The following DNAH17 variants were observed in gnomAD, a reference collection of about 807,000 sequenced individuals.
DNAH17 encodes dynein axonemal heavy chain 17, also known as axonemal beta dynein heavy chain 17.
In DNAH17, 376 loss-of-function variants were observed where a neutral mutation model predicts 485.6. That is an observed-to-expected ratio of 0.77 (90% CI 0.71 to 0.84). DNAH17 has a LOEUF of 0.84. Ranked by LOEUF, DNAH17 falls within the 40% of genes least tolerant of loss-of-function variation. The pLI is 0.00. For missense variants in DNAH17, 6,370 were observed against 5,839.3 expected, an observed-to-expected ratio of 1.09 and a Z score of -2.96; for synonymous variants, 3,031 against 2,405.9, an observed-to-expected ratio of 1.26 and a Z score of -7.60.
In DNAH17 at chr17:78,424,139, T is replaced by G. The variant is rs1314844031; in HGVS notation, c.13156A>C (p.Thr4386Pro). ...GCTTCAGCGATGACTCCAGTCTGGGTGTCCCAGCGAGCCCCTGCAGGGACA... is the reference window on the plus strand; with the variant it reads ...GCTTCAGCGATGACTCCAGTCTGGGGGTCCCAGCGAGCCCCTGCAGGGACA... ...GLFMEGARWD[T>P]QTGVIAEARL... Residue 4386 changes from threonine to proline, a missense_variant, in exon 81 of 81, where the codon ACC (threonine) becomes CCC (proline). Transcript: ENST00000389840. The G allele has an allele frequency of 3.1e-6, 5 of 1,611,706 alleles. No homozygotes were observed. Among genetic ancestry groups the G allele is most frequent in the Non-Finnish European group, 4.2e-6 (5 of 1,179,142 alleles).
At position 78,451,343 on chromosome 17, in the gene DNAH17, G is replaced by T. The variant is rs575919041; in HGVS notation, c.10734+126C>A. 1.6e-3 allele frequency: 1,275 copies of T among 817,304 alleles called. 1 individual carries two copies. Among genetic ancestry groups the T allele is most frequent in the Middle Eastern group, 3.8e-3 (10 of 2,662 alleles). The allele number at this position is 817,304 out of a possible 1,614,324, so 50.6% of individuals were successfully genotyped here. A position where few individuals can be genotyped will look rare whatever the true frequency, so the allele number is the denominator to read the frequency against. On this transcript the variant is annotated intron_variant, in intron 66 of 80. Coordinates refer to ENST00000389840, the MANE Select transcript of DNAH17 (RefSeq NM_173628.4). ...CTGTGATGCCGTGGGACACACTGAG[G>T]CACCTTCAGAGAGAAGCAACGACAC...
chr17:78,428,985 C>T (rs1024051279), intron 76 of DNAH17, 136 bp downstream of exon 76: 23 of 862,864 alleles, frequency 2.7e-5, no homozygotes, highest in African/African-American at 1.5e-4. Flanking sequence ...CCAAGTGAGA[C>T]GCATTTCTCA....
In DNAH17 at chr17:78,498,991, C is replaced by T. The variant is rs1288900794; in HGVS notation, c.5745+17G>A. 2.5e-6 allele frequency: 4 copies of T among 1,588,546 alleles called. No homozygotes were observed. The highest frequency in any genetic ancestry group is 3.4e-6 in the Non-Finnish European group (4 of 1,167,580). On this transcript the variant is annotated intron_variant, in intron 37 of 80. Transcript: ENST00000389840. ...GTCACCCGACGTGACCCCGAGGCCG[C>T]AGGCAGGGGACTTTACCTGCACGGC...
intron 65 of DNAH17, among the ~76,000 whole-genome samples, chr17:78,452,899 G>A (rs2087615519): frequency 6.6e-6 from 1 of 152,158 alleles, no homozygotes; most frequent in Admixed American, 6.6e-5. Flanking sequence ...AAGAAGAGTG[G>A]GTACAGGGCT....
At chr17:78,483,287 C>T (rs74001369) in intron 48 of DNAH17, among the ~76,000 whole-genome samples, 2,602 of 152,234 alleles carry the variant, frequency 0.017, 69 homozygotes, top group African/African-American at 0.058. Flanking sequence ...CTGGGAGTGT[C>T]GTTTAGTGAG....
At position 78,551,530 on chromosome 17, in the gene DNAH17, C is replaced by A. The variant is rs202159849; in HGVS notation, c.2391+5G>T. 1 of 1,613,864 alleles carries A rather than the reference C, an allele frequency of 6.2e-7. No individual in the cohort carries two copies. Among genetic ancestry groups the A allele is most frequent in the Non-Finnish European group, 8.5e-7 (1 of 1,179,726 alleles). ...GCCCCACTCTGTGCTCTGCCCCTTG[C>A]TTACCTTCATAGCCTGGGAAATTCC... On this transcript the variant is annotated splice_donor_5th_base_variant and intron_variant, in intron 16 of 80. Coordinates refer to ENST00000389840, the MANE Select transcript of DNAH17 (RefSeq NM_173628.4).
At position 78,494,762 on chromosome 17, in the gene DNAH17, A is replaced by C; in HGVS notation, c.6101T>G (p.Leu2034Arg). The C allele has an allele frequency of 6.2e-7, 1 of 1,613,506 alleles. No homozygotes were observed. Among genetic ancestry groups the C allele is most frequent in the South Asian group, 1.1e-5 (1 of 91,070 alleles). The change falls in exon 40 of 81, where the codon CTG (leucine) becomes CGG (arginine). Residue 2034 changes from leucine to arginine, a missense_variant. Transcript: ENST00000389840. ...TGCCCGGCTGGGGTCGCCCCTCTTC[A>C]GGGAGCCGGCCACCACCAGCACAGA... The part of the protein sequence containing the change: ...IKSVLVVAGS[L>R]KRGDPSRAED...
chr17:78,503,792 C>A (rs1290598948), intron 31 of DNAH17, among the ~76,000 whole-genome samples: 3 of 151,894 alleles, frequency 2.0e-5, no homozygotes, highest in Admixed American at 1.3e-4. Context: ...ATGGTGAAAA[C>A]CCGTCTCTAC....
At chr17:78,540,097 T>A (rs540942421) in intron 17 of DNAH17, among the ~76,000 whole-genome samples, 2 of 152,148 alleles carry the variant, frequency 1.3e-5, no homozygotes, top group African/African-American at 2.4e-5. Flanking sequence ...ATCTTTTTGA[T>A]TTCAGCTCAA....
At chr17:78,570,069 G>T (rs1305198953) in intron 7 of DNAH17, among the ~76,000 whole-genome samples, 178 bp downstream of exon 7, 1 of 152,216 alleles carries the variant, frequency 6.6e-6, no homozygotes, top group East Asian at 1.9e-4. Context: ...TCCCCTAGAA[G>T]AACTCTAGGT....
intron 61 of DNAH17, 70 bp from the exon 62 acceptor site, chr17:78,458,750 G>A: frequency 2.9e-6 from 4 of 1,396,966 alleles, no homozygotes; most frequent in Non-Finnish European, 4.1e-6. Context: ...AGCGGCAGCA[G>A]GGCTGGGCCC....
In DNAH17 at chr17:78,510,633, G is replaced by C. The variant is rs2090609769; in HGVS notation, c.4114-127C>G. ...CCCGGGCTGCTGGAGGGAGGGAGGC[G>C]AGCTCTGCTCTGCCATTTTCAGCTC... On this transcript the variant is annotated intron_variant, in intron 26 of 80. Transcript: ENST00000389840. The C allele has an allele frequency of 2.3e-6, 3 of 1,295,922 alleles. No homozygotes were observed. The Admixed American group carries it at 5.8e-5, about 25-fold the overall frequency. The allele number at this position is 1,295,922 out of a possible 1,614,324, so 80.3% of individuals were successfully genotyped here.
chr17:78,569,741 G>T (rs562596153), intron 7 of DNAH17, among the ~76,000 whole-genome samples: 3 of 152,350 alleles, frequency 2.0e-5, no homozygotes, highest in African/African-American at 7.2e-5. Flanking sequence ...ATAAATGGGT[G>T]GGGGTCGCAG....
In DNAH17 at chr17:78,438,445, G is replaced by GGAGGAGGGAGGA. The variant is rs1473139795; in HGVS notation, c.11806-578_11806-577insTCCTCCCTCCTC. 2.2e-3 allele frequency among the ~76,000 whole-genome samples: 17 copies of GGAGGAGGGAGGA among 7,586 alleles called. 1 individual carries two copies. The highest frequency in any genetic ancestry group is 2.8e-3 in the African/African-American group (6 of 2,106). 5.0% of individuals were successfully genotyped at this position (7,586 alleles called of 152,430 possible). Reference sequence around the variant, plus strand: ...AGGAGAAGGAGGAGGAGGAGGAGGAGGGAGGAGGGAGGAGGAGGAGGAGAT... The same window carrying GGAGGAGGGAGGA: ...AGGAGAAGGAGGAGGAGGAGGAGGAGGAGGAGGGAGGAGGAGGAGGGAGGAGGAGGAGGAGAT... On this transcript the variant is annotated intron_variant, in intron 73 of 80. Transcript: ENST00000389840.
At chr17:78,493,037 G>C (rs958773535) in intron 41 of DNAH17, 1 of 279,024 alleles carries the variant, frequency 3.6e-6, no homozygotes, top group Admixed American at 4.9e-5. Flanking sequence ...TTTTAGTAGA[G>C]ACAGGGTTTC....
chr17:78,429,285 G>T lies in DNAH17; in HGVS notation c.12241C>A (p.Leu4081Ile). The change falls in exon 76 of 81, where the codon CTC (leucine) becomes ATC (isoleucine). Residue 4081 changes from leucine (L) to isoleucine (I), a missense_variant. Transcript: ENST00000389840. ...EANPKVPWDD[L>I]RYLFGEIMYG... Reference sequence around the variant, plus strand: ...ATGATTTCACCAAAAAGGTAGCGGAGATCGTCCCAGGGCACCTGAGGAAGG... The same window carrying T: ...ATGATTTCACCAAAAAGGTAGCGGATATCGTCCCAGGGCACCTGAGGAAGG... 1 of 1,613,780 alleles carries T rather than the reference G, an allele frequency of 6.2e-7. No individual in the cohort carries two copies. The highest frequency in any genetic ancestry group is 1.3e-5 in the African/African-American group (1 of 75,062).
chr17:78,454,529 G>C lies in DNAH17; in HGVS notation c.10347C>G (p.Ile3449Met). The C allele has an allele frequency of 6.2e-7, 1 of 1,613,458 alleles. No individual in the cohort carries two copies. The highest frequency in any genetic ancestry group is 8.5e-7 in the Non-Finnish European group (1 of 1,179,868). ...TCCTGTATTTGTTTTTGATCCACTTGATTCCTTGGAGCTGGGCGTCCACGA... is the reference window on the plus strand; with the variant it reads ...TCCTGTATTTGTTTTTGATCCACTTCATTCCTTGGAGCTGGGCGTCCACGA... ...PLIVDAQLQGIKWIKNKYRSE... is the reference protein window; with the variant it reads ...PLIVDAQLQGMKWIKNKYRSE... The change falls in exon 64 of 81, where the codon ATC (isoleucine) becomes ATG (methionine). Residue 3449 changes from isoleucine to methionine, a missense_variant. Coordinates refer to ENST00000389840, the MANE Select transcript of DNAH17 (RefSeq NM_173628.4).
At chr17:78,488,839 G>A (rs538178140) in intron 44 of DNAH17, among the ~76,000 whole-genome samples, 11 of 152,222 alleles carry the variant, frequency 7.2e-5, no homozygotes, top group Admixed American at 2.0e-4. Context: ...AGACAGAGGC[G>A]GAGATGGGAG....
chr17:78,456,628 C>A (rs1363769434), intron 62 of DNAH17, among the ~76,000 whole-genome samples: 2 of 152,218 alleles, frequency 1.3e-5, no homozygotes, highest in Non-Finnish European at 2.9e-5. Flanking sequence ...ATCTTGAGGA[C>A]TGGTCCCTAA....
Sources: allele counts gnomAD v4.1 joint callset (sites outside exome capture counted in the v4.1 genomes callset), GRCh38; gene constraint gnomAD v4.1.1; transcripts MANE v1.5; gene names NCBI Gene and HGNC (gene_info 2026-07-23, HGNC 2026-07-21).